Variants in RTTN observed in about 807,000 individuals in gnomAD.
RTTN encodes rotatin.
A neutral mutation model predicts 269.2 loss-of-function variants in RTTN; 182 were observed. That is an observed-to-expected ratio of 0.68 (90% CI 0.60 to 0.76). The LOEUF (loss-of-function observed/expected upper bound fraction) is 0.76. Among genes scored for constraint, RTTN ranks in the 30% least tolerant of loss-of-function variants. The pLI is 0.00. For synonymous variants in RTTN, 1,006 were observed against 963.5 expected (o/e 1.04, Z -0.82); for missense variants, 2,545 against 2,608.6 (o/e 0.98, Z 0.53).
At chr18:70,010,282 A>G (rs910477622) in intron 46 of RTTN, among the ~76,000 whole-genome samples, 1 of 152,248 alleles carries the variant, frequency 6.6e-6, no homozygotes, top group African/African-American at 2.4e-5. Flanking sequence ...AACAGAGTAT[A>G]CATTCTTCTC....
chr18:70,107,255 T>C (rs1397087069), intron 28 of RTTN, among the ~76,000 whole-genome samples: 1 of 152,184 alleles, frequency 6.6e-6, no homozygotes, highest in African/African-American at 2.4e-5. Context: ...AGAAACGGGC[T>C]CCTAACTGAC....
At chr18:70,008,076 T>C (rs1430260496) in intron 46 of RTTN, 1 of 155,624 alleles carries the variant, frequency 6.4e-6, no homozygotes, top group Non-Finnish European at 1.4e-5. Flanking sequence ...CAGCAATCTT[T>C]GCTCTTCTGT....
chr18:70,092,880 C>G (rs1320710152), intron 28 of RTTN, 76 bp from the exon 29 acceptor site: 2 of 1,305,974 alleles, frequency 1.5e-6, no homozygotes, highest in Non-Finnish European at 2.1e-6. Flanking sequence ...TAACTGTCTA[C>G]TGACTTGTAT....
intron 11 of RTTN, among the ~76,000 whole-genome samples, chr18:70,173,475 G>A (rs1157922111): frequency 7.8e-6 from 1 of 128,702 alleles, no homozygotes. Context: ...CCTGGTGACA[G>A]AGCAAGACTC....
chr18:70,167,452 G>A (rs950045155), intron 12 of RTTN, among the ~76,000 whole-genome samples: 1 of 152,152 alleles, frequency 6.6e-6, no homozygotes, highest in Non-Finnish European at 1.5e-5. Context: ...ATGCCACAGA[G>A]GCCAGACCCA....
At chr18:70,015,738 T>C (rs1002720115) in intron 46 of RTTN, among the ~76,000 whole-genome samples, 8 of 152,168 alleles carry the variant, frequency 5.3e-5, no homozygotes, top group African/African-American at 1.9e-4. Context: ...TAGAGGGGTC[T>C]AGAAGTGGAA....
At chr18:70,069,920 TAATA>T (rs2058250208) in intron 34 of RTTN, among the ~76,000 whole-genome samples, 1 of 152,220 alleles carries the variant, frequency 6.6e-6, no homozygotes, top group Admixed American at 6.5e-5. Flanking sequence ...GTGTTCATTT[TAATA>T]AATAATACCT....
rs1456711808 is a variant in RTTN, at chr18:70,197,688, A to T, written c.629T>A (p.Leu210Ter). 6.2e-7 allele frequency: 1 copy of T among 1,613,816 alleles called. No individual in the cohort carries two copies. Among genetic ancestry groups the T allele is most frequent in the Non-Finnish European group, 8.5e-7 (1 of 1,179,800 alleles). ...HTLIWNTCEL[L>*]KDVIMQDFPA... ...AAAATCTTGCATGATAACATCCTTC[A>T]ATAGTTCACAGGTGTTCCAGATTAA... The change falls in exon 6 of 49, where the codon TTG (leucine) becomes TAG (stop). Residue 210 changes from leucine (L) to a stop codon, truncating the protein, a stop_gained. Coordinates refer to ENST00000640769, the MANE Select transcript of RTTN (RefSeq NM_173630.4). LOFTEE classifies it high-confidence loss of function.
At chr18:70,076,064 C>A (rs574537430) in intron 32 of RTTN, among the ~76,000 whole-genome samples, 1 of 151,984 alleles carries the variant, frequency 6.6e-6, no homozygotes, top group Admixed American at 6.6e-5. Flanking sequence ...AAAAAACACA[C>A]ACATGTATAC....
chr18:70,109,164 A>C (rs1255981824), intron 28 of RTTN, among the ~76,000 whole-genome samples: 1 of 152,188 alleles, frequency 6.6e-6, no homozygotes, highest in African/African-American at 2.4e-5. Context: ...AAGTGTTTGA[A>C]TTTTGGAGTT....
At chr18:70,102,923 C>T (rs1373621121) in intron 28 of RTTN, among the ~76,000 whole-genome samples, 1 of 151,674 alleles carries the variant, frequency 6.6e-6, no homozygotes, top group Admixed American at 6.6e-5. Flanking sequence ...TGAGGAGCGC[C>T]TCTGCCCGGG....
rs2058751443 is a variant in RTTN at position 70,088,166 on chromosome 18, A to C, written c.4144-19T>G. ...ATCTCACCTGTTCAAATTAAAGAGA[A>C]AGTTGTTGAATCAAATAAGCCTTTT... On this transcript the variant is annotated intron_variant, in intron 30 of 48. Transcript: ENST00000640769. 6.3e-7 allele frequency: 1 copy of C among 1,586,398 alleles called. No homozygotes were observed. Among genetic ancestry groups the C allele is most frequent in the African/African-American group, 1.4e-5 (1 of 73,908 alleles).
At chr18:70,140,529 T>A (rs2060230346) in intron 19 of RTTN, among the ~76,000 whole-genome samples, 2 of 152,150 alleles carry the variant, frequency 1.3e-5, no homozygotes. Context: ...TTTATATTAT[T>A]TCATTGACTC....
At chr18:70,120,973 C>T (rs1391914639) in intron 26 of RTTN, among the ~76,000 whole-genome samples, 1 of 152,016 alleles carries the variant, frequency 6.6e-6, no homozygotes, top group Non-Finnish European at 1.5e-5. Context: ...ATCATTTGAA[C>T]CCAGGAGGCA....
intron 40 of RTTN, among the ~76,000 whole-genome samples, chr18:70,036,670 C>T (rs1415332616): frequency 1.3e-5 from 2 of 152,128 alleles, no homozygotes; most frequent in East Asian, 3.9e-4. Context: ...TATAACAAAC[C>T]TACACATGTA....
chr18:70,033,819 T>C (rs1048049421), intron 40 of RTTN, among the ~76,000 whole-genome samples: 3 of 116,156 alleles, frequency 2.6e-5, no homozygotes, highest in African/African-American at 8.0e-5. Flanking sequence ...TATGGACCAC[T>C]AGGCTAGATT....
chr18:70,105,208 T>TC (rs1051196051), intron 28 of RTTN, among the ~76,000 whole-genome samples: 2 of 151,542 alleles, frequency 1.3e-5, no homozygotes, highest in African/African-American at 4.8e-5. Flanking sequence ...CGGACACCCC[T>TC]CCCCCAGCCT....
intron 43 of RTTN, among the ~76,000 whole-genome samples, chr18:70,027,463 T>C (rs1370385735): frequency 2.0e-5 from 3 of 152,242 alleles, no homozygotes; most frequent in Admixed American, 2.0e-4. Flanking sequence ...TATCACACTT[T>C]TGTAAATGGC....
At chr18:70,052,625 T>A (rs963320684) in intron 38 of RTTN, among the ~76,000 whole-genome samples, 2 of 131,970 alleles carry the variant, frequency 1.5e-5, no homozygotes, top group Admixed American at 1.8e-4. Flanking sequence ...GAATAACTTT[T>A]CATGTAATTT....
Sources: gnomAD v4.1 joint callset for allele counts (sites outside exome capture counted in the v4.1 genomes callset) on GRCh38, gnomAD v4.1.1 for gene constraint, MANE v1.5 for transcripts, NCBI Gene and HGNC (gene_info 2026-07-23, HGNC 2026-07-21) for gene names.